The following KCNJ6 variants were observed in gnomAD, a reference collection of about 807,000 sequenced individuals.
KCNJ6 encodes the protein potassium inwardly rectifying channel subfamily J member 6, also known as G protein-activated inward rectifier potassium channel 2.
KCNJ6 carries 9 observed loss-of-function variants against 34.2 expected under a neutral mutation model. The observed-to-expected ratio is 0.26, with a 90% CI of 0.16 to 0.46. KCNJ6 has a LOEUF of 0.46. KCNJ6 is among the 20% of genes least tolerant of loss of function. KCNJ6 has a pLI of 1.00. For synonymous variants in KCNJ6, 196 were observed against 207.1 expected, an observed-to-expected ratio of 0.95 and a Z score of 0.46; for missense variants, 236 against 531.3, an observed-to-expected ratio of 0.44 and a Z score of 5.46.
intron 1 of KCNJ6, among the ~76,000 whole-genome samples, chr21:37,900,251 G>A (rs542561578): frequency 2.0e-5 from 3 of 152,138 alleles, no homozygotes; most frequent in African/African-American, 7.2e-5. Flanking sequence ...TGCTTATACA[G>A]CACTGTTTAC....
intron 2 of KCNJ6, among the ~76,000 whole-genome samples, chr21:37,744,725 G>A (rs971691909): frequency 6.6e-6 from 1 of 152,176 alleles, no homozygotes; most frequent in Non-Finnish European, 1.5e-5. Context: ...TTCAAGTCTA[G>A]AGACCAGGCT....
chr21:37,660,793 C>T (rs542093275), intron 3 of KCNJ6, among the ~76,000 whole-genome samples: 3 of 152,362 alleles, frequency 2.0e-5, no homozygotes, highest in East Asian at 1.9e-4. Flanking sequence ...AGAGGGCACC[C>T]GTTTGGCCTT....
At chr21:37,832,034 G>A (rs943854449) in intron 2 of KCNJ6, among the ~76,000 whole-genome samples, 10 of 152,132 alleles carry the variant, frequency 6.6e-5, no homozygotes, top group Non-Finnish European at 5.9e-5. Context: ...AAGGAAGTAT[G>A]CCTCTGGTAG....
chr21:37,620,872 G>T lies in KCNJ6; in HGVS notation c.*4287C>A, dbSNP rs2054287939. ...CTTAGCAGCCTTCTGACAGAATTTT[G>T]ACTTCTAGATGACACTCTGCATCTA... On this transcript the variant is annotated 3_prime_UTR_variant, in exon 4 of 4. Transcript: ENST00000609713. The T allele has an allele frequency of 6.6e-6, 1 of 152,130 alleles. No individual in the cohort carries two copies. The highest frequency in any genetic ancestry group is 2.1e-4 in the South Asian group (1 of 4,832). The allele number at this position is 152,130 out of a possible 1,614,324, so 9.4% of individuals were successfully genotyped here.
intron 1 of KCNJ6, among the ~76,000 whole-genome samples, chr21:37,894,231 C>G (rs952971492): frequency 6.6e-6 from 1 of 152,226 alleles, no homozygotes; most frequent in Non-Finnish European, 1.5e-5. Flanking sequence ...TGCAACATCA[C>G]AATCACCAGG....
intron 2 of KCNJ6, among the ~76,000 whole-genome samples, chr21:37,817,384 G>C (rs1247434670): frequency 1.3e-5 from 2 of 152,154 alleles, no homozygotes; most frequent in African/African-American, 4.8e-5. Context: ...TAATGAAAAT[G>C]GTTAGAAAGG....
intron 1 of KCNJ6, among the ~76,000 whole-genome samples, chr21:37,902,800 T>A (rs925286793): frequency 2.0e-5 from 3 of 152,148 alleles, no homozygotes; most frequent in Non-Finnish European, 4.4e-5. Context: ...TTGGTGGCAT[T>A]TTCAAATATA....
chr21:37,820,126 G>A (rs1412752242), intron 2 of KCNJ6, among the ~76,000 whole-genome samples: 1 of 152,066 alleles, frequency 6.6e-6, no homozygotes, highest in Non-Finnish European at 1.5e-5. Context: ...AAGCTGTATG[G>A]AAAAGAAAAC....
At chr21:37,723,542 T>C (rs1435696930) in intron 2 of KCNJ6, among the ~76,000 whole-genome samples, 1 of 152,172 alleles carries the variant, frequency 6.6e-6, no homozygotes. Flanking sequence ...ATTGGTGGAC[T>C]GGTTAAAGAA....
At chr21:37,678,310 G>A (rs2054576079) in intron 3 of KCNJ6, among the ~76,000 whole-genome samples, 1 of 152,242 alleles carries the variant, frequency 6.6e-6, no homozygotes, top group South Asian at 2.1e-4. Flanking sequence ...GGACTTCAAT[G>A]ATGTCCAAGG....
In KCNJ6 at chr21:37,678,421, G is replaced by A. The variant is rs150731607; in HGVS notation, c.946+35790C>T. Reference sequence around the variant, plus strand: ...AGAAACTTCTGGGATTGTATAGAGAGGTGGGGATGCTCTCCTAAGTGTCTT... The same window carrying A: ...AGAAACTTCTGGGATTGTATAGAGAAGTGGGGATGCTCTCCTAAGTGTCTT... On this transcript the variant is annotated intron_variant, in intron 3 of 3. Coordinates refer to ENST00000609713, the MANE Select transcript of KCNJ6 (RefSeq NM_002240.5). 5.1e-3 allele frequency among the ~76,000 whole-genome samples: 772 copies of A among 152,308 alleles called. 10 individuals carry two copies. The highest frequency in any genetic ancestry group is 0.035 in the South Asian group (167 of 4,820).
intron 3 of KCNJ6, among the ~76,000 whole-genome samples, chr21:37,655,246 AGAGAGAGAGAG>A (rs2054457546): frequency 2.0e-4 from 9 of 44,142 alleles, no homozygotes; most frequent in African/African-American, 9.5e-4. Flanking sequence ...AGAGAGAGAG[AGAGAGAGAGAG>A]AGAGAGAGAG....
chr21:37,848,661 C>T (rs1159007518), intron 1 of KCNJ6, among the ~76,000 whole-genome samples: 2 of 152,230 alleles, frequency 1.3e-5, no homozygotes, highest in Non-Finnish European at 2.9e-5. Context: ...TAAGTTTGTA[C>T]TAACATTGCC....
intron 1 of KCNJ6, among the ~76,000 whole-genome samples, chr21:37,903,246 T>A (rs1457202401): frequency 6.6e-6 from 1 of 152,168 alleles, no homozygotes; most frequent in Non-Finnish European, 1.5e-5. Flanking sequence ...GGGGGTAGTT[T>A]CTCCCTACTG....
chr21:37,861,406 C>T (rs577630723), intron 1 of KCNJ6, among the ~76,000 whole-genome samples: 8 of 152,254 alleles, frequency 5.3e-5, no homozygotes, highest in African/African-American at 1.7e-4. Flanking sequence ...CTTATAAGAC[C>T]ACCAGTCAGC....
intron 3 of KCNJ6, among the ~76,000 whole-genome samples, chr21:37,665,091 T>C (rs1264091618): frequency 6.6e-6 from 1 of 152,150 alleles, no homozygotes; most frequent in East Asian, 1.9e-4. Flanking sequence ...CCACCACGCC[T>C]GGCAAGAATA....
rs781750997 is a variant in KCNJ6, at chr21:37,620,128, C to CTT, written c.*5029_*5030dup. 6.6e-6 allele frequency: 1 copy of CTT among 152,188 alleles called. No individual in the cohort carries two copies. The highest frequency in any genetic ancestry group is 1.5e-5 in the Non-Finnish European group (1 of 68,040). 9.4% of individuals were successfully genotyped at this position (152,188 alleles called of 1,614,324 possible). On this transcript the variant is annotated 3_prime_UTR_variant, in exon 4 of 4. Transcript: ENST00000609713. ...ATTCTTCTATATTGCCTAGGACTCT[C>CTT]TTAAGAGTACAGTACAATATTTCAT... is the stretch of plus-strand genomic sequence containing the variant.
chr21:37,670,460 C>T (rs757939065), intron 3 of KCNJ6, among the ~76,000 whole-genome samples: 16 of 152,122 alleles, frequency 1.1e-4, no homozygotes, highest in Non-Finnish European at 1.9e-4. Flanking sequence ...GGTAGTACTG[C>T]CATCTTAATA....
chr21:37,804,058 T>A (rs2055282168), intron 2 of KCNJ6, among the ~76,000 whole-genome samples: 1 of 152,216 alleles, frequency 6.6e-6, no homozygotes. Context: ...TTAATAGACA[T>A]TTCTTCAAAG....
Sources: gnomAD v4.1 joint callset for allele counts (sites outside exome capture counted in the v4.1 genomes callset) on GRCh38, gnomAD v4.1.1 for gene constraint, MANE v1.5 for transcripts, NCBI Gene and HGNC (gene_info 2026-07-23, HGNC 2026-07-21) for gene names.